The following FOCAD variants were observed in gnomAD, a reference collection of about 807,000 sequenced individuals.
The protein encoded by FOCAD is KIAA1797.
A neutral mutation model predicts 225.6 loss-of-function variants in FOCAD; 198 were observed. That is an observed-to-expected ratio of 0.88 (90% CI 0.78 to 0.99). The LOEUF (loss-of-function observed/expected upper bound fraction) is 0.99, where lower values mean the gene tolerates loss of function less well. Among genes scored for constraint, FOCAD ranks in the 50% least tolerant of loss-of-function variants. The probability of loss-of-function intolerance (pLI) is 0.00; values close to 1 mark genes in which losing one functional copy is unlikely to be tolerated. For synonymous variants in FOCAD, 897 were observed against 755.0 expected (o/e 1.19, Z -3.08); for missense variants, 2,713 against 2,123.6 (o/e 1.28, Z -5.46).
chr9:20,682,357 A>T (rs1427526243), upstream of FOCAD, among the ~76,000 whole-genome samples: 5 of 152,222 alleles, frequency 3.3e-5, no homozygotes, highest in African/African-American at 1.2e-4. Flanking sequence ...CAGAGGCAGT[A>T]CGTTTACTCA....
intron 15 of FOCAD, among the ~76,000 whole-genome samples, chr9:20,846,568 G>A (rs1827133794): frequency 6.6e-6 from 1 of 152,082 alleles, no homozygotes; most frequent in Admixed American, 6.6e-5. Flanking sequence ...AATATTATGG[G>A]AGTTTCATGA....
At chr9:20,722,971 C>T (rs981856768) in intron 4 of FOCAD, among the ~76,000 whole-genome samples, 6 of 152,162 alleles carry the variant, frequency 3.9e-5, no homozygotes, top group Non-Finnish European at 8.8e-5. Context: ...AATGTAGTAT[C>T]TTCTGTGTAT....
chr9:20,931,718 G>A (rs1250252608), intron 27 of FOCAD, among the ~76,000 whole-genome samples: 1 of 151,976 alleles, frequency 6.6e-6, no homozygotes, highest in Non-Finnish European at 1.5e-5. Context: ...AGGCCAAGGC[G>A]GGCAGATCAT....
chr9:20,723,297 G>A (rs1825932420), intron 4 of FOCAD, among the ~76,000 whole-genome samples: 1 of 152,234 alleles, frequency 6.6e-6, no homozygotes, highest in African/African-American at 2.4e-5. Context: ...AGACCAGCCT[G>A]GCCAACATGG....
chr9:20,883,068 G>A (rs1244715128), intron 20 of FOCAD, among the ~76,000 whole-genome samples: 1 of 152,108 alleles, frequency 6.6e-6, no homozygotes, highest in Admixed American at 6.5e-5. Context: ...GAGGAGAGAG[G>A]AAAACTACTC....
intron 6 of FOCAD, among the ~76,000 whole-genome samples, chr9:20,758,775 G>A (rs962664188): frequency 6.6e-5 from 10 of 152,144 alleles, no homozygotes; most frequent in African/African-American, 2.4e-4. Context: ...AGGGCAATTA[G>A]GCAGGAGAAG....
chr9:20,664,561 C>G (rs1821837282), intron 2 of FOCAD, among the ~76,000 whole-genome samples: 1 of 151,332 alleles, frequency 6.6e-6, no homozygotes, highest in South Asian at 2.1e-4. Context: ...AGAGATAAAT[C>G]CCATAAAGAA....
intron 6 of FOCAD, among the ~76,000 whole-genome samples, chr9:20,759,354 C>G: frequency 6.6e-6 from 1 of 152,038 alleles, no homozygotes; most frequent in East Asian, 1.9e-4. Context: ...GTACTGGTAC[C>G]AAAACAGAGA....
At chr9:20,977,765 A>C (rs1840344823) in intron 36 of FOCAD, among the ~76,000 whole-genome samples, 1 of 152,236 alleles carries the variant, frequency 6.6e-6, no homozygotes, top group Non-Finnish European at 1.5e-5. Context: ...ATAAGATATA[A>C]TGTCACCATA....
intron 1 of FOCAD, among the ~76,000 whole-genome samples, chr9:20,691,423 A>G (rs138620552): frequency 0.011 from 1,675 of 152,028 alleles, 29 homozygotes; most frequent in African/African-American, 0.039. Context: ...ATACTTCTGG[A>G]TCATATCATT....
intron 15 of FOCAD, among the ~76,000 whole-genome samples, chr9:20,829,065 T>C (rs1470072464): frequency 2.0e-5 from 3 of 152,158 alleles, no homozygotes; most frequent in East Asian, 3.9e-4. Context: ...TGATTCCATG[T>C]CTTTGCTATT....
At chr9:20,924,118 G>GA (rs1169335533) in intron 25 of FOCAD, among the ~76,000 whole-genome samples, 3 of 152,072 alleles carry the variant, frequency 2.0e-5, no homozygotes, top group Admixed American at 6.5e-5. Context: ...TTTATTGACT[G>GA]AAAAAAATGT....
chr9:20,811,323 GTGGTGA>G (rs916746690), intron 11 of FOCAD, among the ~76,000 whole-genome samples: 3 of 152,028 alleles, frequency 2.0e-5, no homozygotes, highest in African/African-American at 4.8e-5. Flanking sequence ...CGTTTGAAAT[GTGGTGA>G]TAATCATGAT....
rs567740358 is a variant in FOCAD, at chr9:20,832,771, G to C, written c.1920+9656G>C. ...TGCCCTCTAGTTTCATCCATGGTGT[G>C]GCAAATGACAGGACCTCCATTTTTA... is the stretch of plus-strand genomic sequence containing the variant. On this transcript the variant is annotated intron_variant, in intron 15 of 43. Transcript: ENST00000338382. Among the ~76,000 whole-genome samples the C allele has an allele frequency of 2.0e-3, 310 of 151,994 alleles. 1 individual carries two copies. The highest frequency in any genetic ancestry group is 7.1e-3 in the African/African-American group (295 of 41,490).
intron 3 of FOCAD, among the ~76,000 whole-genome samples, chr9:20,720,175 A>T (rs1011578735): frequency 1.3e-5 from 2 of 152,144 alleles, no homozygotes; most frequent in Admixed American, 1.3e-4. Flanking sequence ...CAGGTGAGAG[A>T]GAGTTGCTGT....
chr9:20,829,609 G>A (rs369544462), intron 15 of FOCAD, among the ~76,000 whole-genome samples: 1 of 151,948 alleles, frequency 6.6e-6, no homozygotes, highest in Non-Finnish European at 1.5e-5. Flanking sequence ...ATAAAAAAAT[G>A]TAAATGATGA....
chr9:20,903,594 C>T (rs1171801587), intron 21 of FOCAD, among the ~76,000 whole-genome samples: 10 of 151,972 alleles, frequency 6.6e-5, no homozygotes, highest in East Asian at 3.9e-4. Context: ...TCTGGGTCCC[C>T]GTTAATTCAC....
At chr9:20,736,438 C>A (rs1827158129) in intron 4 of FOCAD, among the ~76,000 whole-genome samples, 1 of 152,096 alleles carries the variant, frequency 6.6e-6, no homozygotes, top group Non-Finnish European at 1.5e-5. Flanking sequence ...CAGAATTCAA[C>A]AATAATTTTC....
chr9:20,981,770 T>C, intron 38 of FOCAD, 84 bp downstream of exon 38: 1 of 1,448,606 alleles, frequency 6.9e-7, no homozygotes, highest in Non-Finnish European at 9.3e-7. Flanking sequence ...GAGGTGTATG[T>C]TTTAAGAATG....
Sources: gnomAD v4.1 joint callset for allele counts (sites outside exome capture counted in the v4.1 genomes callset) on GRCh38, gnomAD v4.1.1 for gene constraint, MANE v1.5 for transcripts, NCBI Gene and HGNC (gene_info 2026-07-23, HGNC 2026-07-21) for gene names.